The following CD83 variants were observed in gnomAD, a reference collection of about 807,000 sequenced individuals.
CD83 encodes CD83 molecule.
A neutral mutation model predicts 24.6 loss-of-function variants in CD83; 22 were observed. The ratio of observed to expected loss-of-function variants is 0.90; its 90% confidence interval spans 0.64 to 1.28. The LOEUF (loss-of-function observed/expected upper bound fraction) is 1.28. Ranked by LOEUF, CD83 falls within the 50% of genes most tolerant of loss-of-function variation. The pLI, the probability that CD83 is intolerant of heterozygous loss-of-function variation, is 0.00. For synonymous variants in CD83, 101 were observed against 103.5 expected, an observed-to-expected ratio of 0.98 and a Z score of 0.14; for missense variants, 253 against 252.8, an observed-to-expected ratio of 1.00 and a Z score of -0.01.
chr6:14,130,446 C>T (rs968822494), intron 2 of CD83, among the ~76,000 whole-genome samples: 1 of 152,170 alleles, frequency 6.6e-6, no homozygotes, highest in East Asian at 1.9e-4. Context: ...GAAAGCAAGC[C>T]GCGCACGGTG....
upstream of CD83, chr6:14,117,720 A>T (rs1759564273): frequency 1.1e-6 from 1 of 903,382 alleles, no homozygotes; most frequent in African/African-American, 1.8e-5. The surrounding 1 kb of genome is among the most constrained non-coding windows in gnomAD (Gnocchi z 4.6). Context: ...GCTGGCGCGC[A>T]GGGAAGTTCC....
At chr6:14,131,793 T>C (rs1347780258) in intron 3 of CD83, 45 bp downstream of exon 3, 1 of 1,312,506 alleles carries the variant, frequency 7.6e-7, no homozygotes, top group Non-Finnish European at 1.1e-6. Flanking sequence ...ACAATGCATG[T>C]GTACTTCCTT....
chr6:14,117,416 T>C (rs1581322807), upstream of CD83: 1 of 152,214 alleles, frequency 6.6e-6, no homozygotes, highest in Non-Finnish European at 1.5e-5. This position sits in a 1 kb window ranked among gnomAD's most constrained non-coding sequence, Gnocchi z 4.6. Context: ...CGGCTTCCTT[T>C]TGCGGGTCAA....
rs1267702935 is a variant in CD83, at chr6:14,129,812, TAATA to T, written c.154-1704_154-1701del. On this transcript the variant is annotated intron_variant, in intron 2 of 4. Transcript: ENST00000379153. The surrounding 1 kb of genome is among the most constrained non-coding windows in gnomAD (Gnocchi z 4.3). Reference sequence around the variant, plus strand: ...TGACCTTGTGGTATATGCTCTGAATTAATAAATGAAGCAGAAATGACTGTGTGTG... The same window carrying T: ...TGACCTTGTGGTATATGCTCTGAATTAATGAAGCAGAAATGACTGTGTGTG... Among the ~76,000 whole-genome samples, 1 of 150,658 alleles carries T rather than the reference TAATA, an allele frequency of 6.6e-6. No homozygotes were observed. Among genetic ancestry groups the T allele is most frequent in the Non-Finnish European group, 1.5e-5 (1 of 67,936 alleles).
At chr6:14,127,407 G>C (rs1037759026) in intron 2 of CD83, among the ~76,000 whole-genome samples, 2 of 151,856 alleles carry the variant, frequency 1.3e-5, no homozygotes, top group Non-Finnish European at 2.9e-5. Context: ...GGTAATGTAG[G>C]AGGTTGGCAT....
chr6:14,132,462 G>T (rs1757931839), intron 3 of CD83, among the ~76,000 whole-genome samples: 1 of 152,194 alleles, frequency 6.6e-6, no homozygotes, highest in Non-Finnish European at 1.5e-5. Context: ...AACTTAAGGG[G>T]TCAGAGTCTA....
upstream of CD83, chr6:14,117,739 C>A (rs1390074535): frequency 8.8e-7 from 1 of 1,134,614 alleles, no homozygotes; most frequent in African/African-American, 1.6e-5. The surrounding 1 kb of genome is among the most constrained non-coding windows in gnomAD (Gnocchi z 4.6). Flanking sequence ...CCCGAACGCG[C>A]GGGCATAAAA....
chr6:14,124,878 G>A (rs1268206366), intron 2 of CD83, among the ~76,000 whole-genome samples: 1 of 152,080 alleles, frequency 6.6e-6, no homozygotes, highest in African/African-American at 2.4e-5. Context: ...TAGAGTCTTT[G>A]CAAATGTAAT....
intron 3 of CD83, among the ~76,000 whole-genome samples, chr6:14,132,801 C>T (rs560571013): frequency 1.3e-5 from 2 of 152,332 alleles, no homozygotes; most frequent in African/African-American, 4.8e-5. Flanking sequence ...TAGCCATTGG[C>T]TCCAATGGCA....
Position 14,117,995 on chromosome 6 carries a change from C to A in CD83, c.83C>A (p.Ser28Tyr). 1 of 1,611,492 alleles carries A rather than the reference C, an allele frequency of 6.2e-7. No individual in the cohort carries two copies. Among genetic ancestry groups the A allele is most frequent in the Non-Finnish European group, 8.5e-7 (1 of 1,179,446 alleles). The change falls in exon 2 of 5, where the codon TCC (serine) becomes TAC (tyrosine). Residue 28 changes from serine (S) to tyrosine (Y), a missense_variant. Ser to Tyr is a moderately radical substitution (Grantham distance 144). Transcript: ENST00000379153. The surrounding 1 kb of genome is among the most constrained non-coding windows in gnomAD (Gnocchi z 4.6). ...PATPEVKVACSEDVDLPCTAP... is the reference protein window; with the variant it reads ...PATPEVKVACYEDVDLPCTAP... ...ACGCCGGAGGTGAAGGTGGCTTGCT[C>A]CGAAGATGTGGACTTGCCCTGCACC...
At chr6:14,119,629 TG>T (rs1759626078) in intron 2 of CD83, among the ~76,000 whole-genome samples, 2 of 152,198 alleles carry the variant, frequency 1.3e-5, no homozygotes, top group Non-Finnish European at 2.9e-5. Context: ...AATCCTGAGT[TG>T]TTAGAGGTCT....
chr6:14,123,751 G>GGAA (rs1759725926), intron 2 of CD83, among the ~76,000 whole-genome samples: 1 of 103,400 alleles, frequency 9.7e-6, no homozygotes, highest in African/African-American at 3.5e-5. Context: ...GAGTTAAATT[G>GGAA]AAAAAAAAAA....
chr6:14,121,561 C>T (rs1759670139), intron 2 of CD83, among the ~76,000 whole-genome samples: 1 of 138,296 alleles, frequency 7.2e-6, no homozygotes, highest in Admixed American at 7.9e-5. Context: ...GGGAGGATCA[C>T]TTGAGCCCAG....
Position 14,135,124 on chromosome 6 carries a change from A to G in CD83, c.506A>G (p.Gln169Arg), listed in dbSNP as rs1304435077. The change falls in exon 5 of 5, where the codon CAG becomes CGG. Residue 169 changes from glutamine to arginine, a missense_variant. Physicochemically the swap from Gln to Arg is conservative, Grantham distance 43 (BLOSUM62 1). Transcript: ENST00000379153. ...IIFTCKFARL[Q>R]SIFPDFSKAG... is the part of the protein sequence containing the mutation. ...TCTTTTTAGAAGTTTGCACGGCTAC[A>G]GAGTATCTTCCCAGATTTTTCTAAA... 1 of 1,614,038 alleles carries G rather than the reference A, an allele frequency of 6.2e-7. No homozygotes were observed. The highest frequency in any genetic ancestry group is 1.3e-5 in the African/African-American group (1 of 74,934).
chr6:14,117,902 C>A lies in CD83; in HGVS notation c.38-48C>A. ...GTCGCCCCCCGCCCCTCCACGACAC[C>A]CCCTCCCGTCGGTCGCTTGCTCACG... On this transcript the variant is annotated intron_variant, in intron 1 of 4. Transcript: ENST00000379153. This position sits in a 1 kb window ranked among gnomAD's most constrained non-coding sequence, Gnocchi z 4.6. 6.3e-7 allele frequency: 1 copy of A among 1,582,256 alleles called. No individual in the cohort carries two copies. Among genetic ancestry groups the A allele is most frequent in the Non-Finnish European group, 8.6e-7 (1 of 1,168,028 alleles).
At chr6:14,130,160 AG>A in intron 2 of CD83, among the ~76,000 whole-genome samples, 1 of 152,190 alleles carries the variant, frequency 6.6e-6, no homozygotes, top group Non-Finnish European at 1.5e-5. Flanking sequence ...GCTGGTCCCC[AG>A]CCAACCAGCA....
chr6:14,135,458 G>T lies in CD83; in HGVS notation c.*222G>T. 2.0e-6 allele frequency: 1 copy of T among 493,768 alleles called. No homozygotes were observed. 30.6% of individuals were successfully genotyped at this position (493,768 alleles called of 1,614,324 possible). On this transcript the variant is annotated 3_prime_UTR_variant, in exon 5 of 5. Transcript: ENST00000379153. ...CATGAGGCCACTGCTGCTTCTCCAT[G>T]GCCACCTTTTCAGCGATGTATGCAG...
intron 3 of CD83, among the ~76,000 whole-genome samples, chr6:14,132,297 G>A (rs1757928626): frequency 6.6e-6 from 1 of 152,192 alleles, no homozygotes; most frequent in South Asian, 2.1e-4. Flanking sequence ...GATGTATCTG[G>A]GCACATAGTA....
At chr6:14,124,884 G>A (rs1319654277) in intron 2 of CD83, among the ~76,000 whole-genome samples, 9 of 152,094 alleles carry the variant, frequency 5.9e-5, no homozygotes, top group Admixed American at 5.2e-4. Context: ...CTTTGCAAAT[G>A]TAATCAAATT....
Sources: gnomAD v4.1 joint callset for allele counts (sites outside exome capture counted in the v4.1 genomes callset) on GRCh38, gnomAD v4.1.1 for gene constraint, Gnocchi (gnomAD v3.1) non-coding constraint, MANE v1.5 for transcripts, NCBI Gene and HGNC (gene_info 2026-07-23, HGNC 2026-07-21) for gene names.